Variants in ZBTB20 observed in about 807,000 individuals in gnomAD.
ZBTB20 encodes the protein zinc finger and BTB domain-containing protein 20.
A neutral mutation model predicts 56.9 loss-of-function variants in ZBTB20; 9 were observed. The ratio of observed to expected loss-of-function variants is 0.16; its 90% CI spans 0.10 to 0.28. The LOEUF is 0.28. Among genes scored for constraint, ZBTB20 ranks in the 10% least tolerant of loss-of-function variants. ZBTB20 has a pLI of 1.00. For synonymous variants in ZBTB20, 417 were observed against 420.7 expected (o/e 0.99, Z 0.11); for missense variants, 655 against 1,003.0 (o/e 0.65, Z 4.69).
At chr3:114,991,550 C>T (rs4578995) in intron 2 of ZBTB20, among the ~76,000 whole-genome samples, 54,146 of 151,780 alleles carry the variant, frequency 0.36, 11,298 homozygotes, top group Non-Finnish European at 0.49. Context: ...GGAATAAGTG[C>T]GATGTGGTGC....
chr3:114,555,381 C>T (rs540099826), intron 6 of ZBTB20, among the ~76,000 whole-genome samples: 12 of 152,046 alleles, frequency 7.9e-5, no homozygotes, highest in Non-Finnish European at 1.3e-4. Context: ...CAGAATCTCA[C>T]GCCTGTCGAC....
intron 6 of ZBTB20, among the ~76,000 whole-genome samples, chr3:114,585,943 A>T (rs528880044): frequency 6.6e-6 from 1 of 152,362 alleles, no homozygotes; most frequent in East Asian, 1.9e-4. Context: ...GCAGAGCCAA[A>T]ACGTCAGCAG....
chr3:114,761,160 T>A (rs766234305), intron 5 of ZBTB20, among the ~76,000 whole-genome samples: 1 of 152,140 alleles, frequency 6.6e-6, no homozygotes, highest in Non-Finnish European at 1.5e-5. Flanking sequence ...TTTAAAGAAT[T>A]TACAAAGTTT....
intron 6 of ZBTB20, among the ~76,000 whole-genome samples, chr3:114,609,931 C>T (rs1052245198): frequency 3.9e-5 from 6 of 152,182 alleles, no homozygotes; most frequent in Non-Finnish European, 5.9e-5. Flanking sequence ...TAGCAGTCAA[C>T]ATTTGCAAGG....
chr3:114,380,777 C>A lies in ZBTB20; in HGVS notation c.11G>T (p.Arg4Leu). The change falls in exon 9 of 12, where the codon CGG (arginine) becomes CTG (leucine). Residue 4 changes from arginine to leucine, a missense_variant and splice_region_variant. Arg to Leu is a moderately radical substitution (Grantham distance 102). Transcript: ENST00000675478. MLE[R>L]KKPKTAENQK... ...GGAAAAATACTAGTGGAAGTTTTACCGTTCTAGCATTTGTCAGGAAGCTTA... is the reference window on the plus strand; with the variant it reads ...GGAAAAATACTAGTGGAAGTTTTACAGTTCTAGCATTTGTCAGGAAGCTTA... 1.3e-6 allele frequency: 2 copies of A among 1,509,584 alleles called. No homozygotes were observed. The highest frequency in any genetic ancestry group is 2.6e-5 in the South Asian group (2 of 78,112). The allele number at this position is 1,509,584 out of a possible 1,614,324, so 93.5% of individuals were successfully genotyped here.
intron 1 of ZBTB20, among the ~76,000 whole-genome samples, chr3:115,089,826 T>C (rs1484061737): frequency 1.3e-5 from 2 of 151,828 alleles, no homozygotes; most frequent in Non-Finnish European, 2.9e-5. Context: ...TCCTTAATTT[T>C]AGCATTATAG....
chr3:114,556,517 T>C (rs1342623966), intron 6 of ZBTB20, among the ~76,000 whole-genome samples: 1 of 152,062 alleles, frequency 6.6e-6, no homozygotes. Context: ...TGTTTTCCAA[T>C]CTGTATGAAT....
intron 3 of ZBTB20, among the ~76,000 whole-genome samples, chr3:114,961,306 A>T (rs2077443521): frequency 6.6e-6 from 1 of 152,078 alleles, no homozygotes; most frequent in Admixed American, 6.6e-5. Context: ...AAAAAATAAA[A>T]GGCATCTGGT....
In ZBTB20 at chr3:114,466,342, T is replaced by G. The variant is rs183692875; in HGVS notation, c.-255+34010A>C. On this transcript the variant is annotated intron_variant, in intron 7 of 11. Transcript: ENST00000675478. ...TATTATTATCATCTAGTTTTACAGA[T>G]GAGACAAGCAAGGCACACAACTAAT... Among the ~76,000 whole-genome samples the G allele has an allele frequency of 1.5e-3, 231 of 152,290 alleles. 1 individual carries two copies. Among genetic ancestry groups the G allele is most frequent in the Middle Eastern group, 0.01 (3 of 294 alleles).
At chr3:115,113,074 T>C (rs2083924138) in intron 1 of ZBTB20, among the ~76,000 whole-genome samples, 1 of 152,230 alleles carries the variant, frequency 6.6e-6, no homozygotes, top group Non-Finnish European at 1.5e-5. Flanking sequence ...CCTATACCTA[T>C]TGGCCATTTG....
At chr3:115,093,484 CA>C (rs2083272706) in intron 1 of ZBTB20, among the ~76,000 whole-genome samples, 1 of 152,090 alleles carries the variant, frequency 6.6e-6, no homozygotes, top group Non-Finnish European at 1.5e-5. Flanking sequence ...TTCAGAAAGC[CA>C]TTATGTGAAA....
chr3:115,118,593 G>T (rs1373706415), intron 1 of ZBTB20, among the ~76,000 whole-genome samples: 1 of 150,798 alleles, frequency 6.6e-6, no homozygotes, highest in African/African-American at 2.4e-5. Context: ...CTAAGAAAGT[G>T]ACATCTAATG....
rs539529907 is a variant in ZBTB20 at position 114,966,070 on chromosome 3, T to G, written c.-456+8296A>C. ...AGAAAAGAATGCCATCCAAACTACC[T>G]AATCAGAAAAAGACTTTCTACAGCT... is the stretch of plus-strand genomic sequence containing the variant. On this transcript the variant is annotated intron_variant, in intron 3 of 11. Coordinates refer to ENST00000675478, the MANE Select transcript of ZBTB20 (RefSeq NM_001348800.3). 7.9e-5 allele frequency among the ~76,000 whole-genome samples: 12 copies of G among 152,294 alleles called. No individual in the cohort carries two copies. In the South Asian group the frequency reaches 2.5e-3, roughly 32 times the overall value.
At chr3:115,133,815 C>T (rs1182051846) in intron 1 of ZBTB20, among the ~76,000 whole-genome samples, 1 of 152,146 alleles carries the variant, frequency 6.6e-6, no homozygotes, top group African/African-American at 2.4e-5. Flanking sequence ...TTTTTGGCTA[C>T]TATGAATAAT....
At chr3:114,697,204 T>C (rs2063093942) in intron 5 of ZBTB20, among the ~76,000 whole-genome samples, 1 of 151,864 alleles carries the variant, frequency 6.6e-6, no homozygotes. Flanking sequence ...TCAGGATACA[T>C]TTCAAGTGAA....
chr3:115,079,683 T>G (rs1181113813), intron 1 of ZBTB20, among the ~76,000 whole-genome samples: 5 of 152,170 alleles, frequency 3.3e-5, no homozygotes. Context: ...TGTGAGCCAC[T>G]GCGCCCTGCC....
chr3:115,038,442 C>A lies in ZBTB20; in HGVS notation c.-507+32777G>T, dbSNP rs577070919. 2.0e-5 allele frequency among the ~76,000 whole-genome samples: 3 copies of A among 152,134 alleles called. No homozygotes were observed. The South Asian group carries it at 6.2e-4, about 32-fold the overall frequency. On this transcript the variant is annotated intron_variant, in intron 2 of 11. Transcript: ENST00000675478. ...CAATCTAACTAGAAAGCATAAATAT[C>A]ACAAATAAATAGATGTAAATACAAT...
At chr3:114,607,495 G>A (rs1241108357) in intron 6 of ZBTB20, among the ~76,000 whole-genome samples, 2 of 151,860 alleles carry the variant, frequency 1.3e-5, no homozygotes, top group East Asian at 1.9e-4. Context: ...TAGAGACAGC[G>A]TTTCTCCATG....
At chr3:114,793,355 T>TA (rs1478957540) in intron 5 of ZBTB20, among the ~76,000 whole-genome samples, 1 of 152,142 alleles carries the variant, frequency 6.6e-6, no homozygotes, top group African/African-American at 2.4e-5. Context: ...TACAATTTTT[T>TA]ACTTCTCATT....
Sources: allele counts gnomAD v4.1 joint callset (sites outside exome capture counted in the v4.1 genomes callset), GRCh38; gene constraint gnomAD v4.1.1; transcripts MANE v1.5; gene names NCBI Gene and HGNC (gene_info 2026-07-23, HGNC 2026-07-21).